Variants in CREB5 observed in about 807,000 individuals in gnomAD.
CREB5 encodes cyclic AMP-responsive element-binding protein 5.
CREB5 carries 19 observed loss-of-function variants against 57.1 expected under a neutral mutation model. The observed-to-expected ratio is 0.33, with a 90% CI of 0.23 to 0.49. The LOEUF (loss-of-function observed/expected upper bound fraction) is 0.49, where lower values mean the gene tolerates loss of function less well. Ranked by LOEUF, CREB5 falls within the 20% of genes least tolerant of loss-of-function variation. The probability of loss-of-function intolerance (pLI) is 0.99; values close to 1 mark genes in which losing one functional copy is unlikely to be tolerated. For synonymous variants in CREB5, 238 were observed against 238.3 expected (o/e 1.00, Z 0.01); for missense variants, 579 against 671.6 (o/e 0.86, Z 1.52).
At chr7:28,381,881 T>C (rs939017550) in intron 1 of CREB5, among the ~76,000 whole-genome samples, 1 of 152,216 alleles carries the variant, frequency 6.6e-6, no homozygotes, top group Non-Finnish European at 1.5e-5. Context: ...AGGATATTTA[T>C]GGAGAGACAG....
At chr7:28,641,148 C>A (rs1460741094) in intron 5 of CREB5, among the ~76,000 whole-genome samples, 2 of 152,094 alleles carry the variant, frequency 1.3e-5, no homozygotes, top group Admixed American at 6.6e-5. Flanking sequence ...TTCCTGGGAG[C>A]TGGGTTAATG....
intron 8 of CREB5, among the ~76,000 whole-genome samples, chr7:28,807,636 G>A (rs1395666175): frequency 6.6e-6 from 1 of 152,158 alleles, no homozygotes; most frequent in African/African-American, 2.4e-5. Context: ...CATTCTGATT[G>A]ATTTCAATCA....
In CREB5 at chr7:28,617,741, A is replaced by AG. The variant is rs748885791; in HGVS notation, c.464+47209dup. 6.6e-5 allele frequency among the ~76,000 whole-genome samples: 10 copies of AG among 152,210 alleles called. No individual in the cohort carries two copies. The East Asian group carries it at 9.6e-4, about 15-fold the overall frequency. ...ATGAAACAACCTTAAAGAATAATAG[A>AG]GGGGGAAAAAGAGCAGCGCTCTATT... On this transcript the variant is annotated intron_variant, in intron 5 of 10. Coordinates refer to ENST00000357727, the MANE Select transcript of CREB5 (RefSeq NM_182898.4).
At chr7:28,661,161 C>A (rs780463485) in intron 5 of CREB5, among the ~76,000 whole-genome samples, 12 of 152,142 alleles carry the variant, frequency 7.9e-5, no homozygotes, top group Non-Finnish European at 1.3e-4. Context: ...TGGTATTTTT[C>A]TTCCTAGCCC....
chr7:28,376,107 T>C (rs1188054915), intron 1 of CREB5, among the ~76,000 whole-genome samples: 1 of 152,140 alleles, frequency 6.6e-6, no homozygotes, highest in Non-Finnish European at 1.5e-5. Context: ...TGATTGTTTA[T>C]TCAATTTTGG....
At chr7:28,779,157 G>A (rs1806828833) in intron 7 of CREB5, 1 of 152,184 alleles carries the variant, frequency 6.6e-6, no homozygotes, top group African/African-American at 2.4e-5. Flanking sequence ...ACCATGTGTA[G>A]GTGTGTGTGT....
chr7:28,428,091 G>A (rs1166388175), intron 1 of CREB5, among the ~76,000 whole-genome samples: 2 of 152,208 alleles, frequency 1.3e-5, no homozygotes, highest in East Asian at 3.8e-4. Context: ...TGAGAGGAGA[G>A]CCACCAGGGA....
At chr7:28,480,700 CT>C (rs1462564228) in intron 1 of CREB5, among the ~76,000 whole-genome samples, 2 of 152,148 alleles carry the variant, frequency 1.3e-5, no homozygotes, top group Non-Finnish European at 2.9e-5. Flanking sequence ...GTCAAATAAA[CT>C]TTTGTTTTAG....
intron 7 of CREB5, among the ~76,000 whole-genome samples, chr7:28,765,891 T>C (rs1700048064): frequency 6.6e-6 from 1 of 152,184 alleles, no homozygotes; most frequent in South Asian, 2.1e-4. Flanking sequence ...CTATTGCCCG[T>C]GTGCAGGACA....
chr7:28,307,511 A>C (rs1441245852), intron 1 of CREB5, among the ~76,000 whole-genome samples: 1 of 152,224 alleles, frequency 6.6e-6, no homozygotes, highest in African/African-American at 2.4e-5. Context: ...CAGAACTATA[A>C]GAAATAAATT....
intron 7 of CREB5, among the ~76,000 whole-genome samples, chr7:28,775,333 T>TATCA (rs1806558599): frequency 6.6e-6 from 1 of 152,138 alleles, no homozygotes; most frequent in South Asian, 2.1e-4. Context: ...GAAATTGACC[T>TATCA]ATCAATTTTT....
intron 4 of CREB5, among the ~76,000 whole-genome samples, chr7:28,545,920 G>A (rs1362175094): frequency 6.6e-6 from 1 of 152,058 alleles, no homozygotes; most frequent in Non-Finnish European, 1.5e-5. Flanking sequence ...CTTCTTCATT[G>A]CTTCTAACTG....
At chr7:28,515,199 T>C (rs1296878837) in intron 4 of CREB5, among the ~76,000 whole-genome samples, 4 of 152,184 alleles carry the variant, frequency 2.6e-5, no homozygotes, top group South Asian at 2.1e-4. Context: ...ATACTAGTAA[T>C]AGTTTTCTCC....
chr7:28,542,754 C>A (rs962087676), intron 4 of CREB5, among the ~76,000 whole-genome samples: 1 of 152,056 alleles, frequency 6.6e-6, no homozygotes, highest in Admixed American at 6.5e-5. Flanking sequence ...CTTCATAAAC[C>A]CTGACAGAAA....
At chr7:28,448,632 A>G (rs1789620481) in intron 1 of CREB5, among the ~76,000 whole-genome samples, 1 of 152,208 alleles carries the variant, frequency 6.6e-6, no homozygotes, top group Admixed American at 6.5e-5. Flanking sequence ...TAAATTCTTC[A>G]GGTAGCTTGG....
intron 5 of CREB5, among the ~76,000 whole-genome samples, chr7:28,656,328 T>C (rs963333098): frequency 6.6e-6 from 1 of 152,208 alleles, no homozygotes; most frequent in African/African-American, 2.4e-5. Context: ...CCTAAGAAGA[T>C]TAAACATACC....
At chr7:28,517,165 C>T (rs1305180823) in intron 4 of CREB5, among the ~76,000 whole-genome samples, 2 of 152,138 alleles carry the variant, frequency 1.3e-5, no homozygotes, top group Non-Finnish European at 2.9e-5. Context: ...AAGTTACTTA[C>T]CTGGGCCCCT....
intron 7 of CREB5, among the ~76,000 whole-genome samples, chr7:28,729,713 T>A (rs1583627207): frequency 6.8e-6 from 1 of 147,018 alleles, no homozygotes; most frequent in Non-Finnish European, 1.5e-5. Flanking sequence ...TTCCTAAAAG[T>A]CCAGGAATAA....
At chr7:28,622,307 T>C (rs1478709969) in intron 5 of CREB5, among the ~76,000 whole-genome samples, 1 of 149,006 alleles carries the variant, frequency 6.7e-6, no homozygotes, top group East Asian at 2.0e-4. Flanking sequence ...CCCACACCCT[T>C]CAATCATATA....
Sources: gnomAD v4.1 joint callset for allele counts (sites outside exome capture counted in the v4.1 genomes callset) on GRCh38, gnomAD v4.1.1 for gene constraint, MANE v1.5 for transcripts, NCBI Gene and HGNC (gene_info 2026-07-23, HGNC 2026-07-21) for gene names.